The following RASGRF1 variants were observed in gnomAD, a reference collection of about 807,000 sequenced individuals.
RASGRF1 encodes the protein Ras protein specific guanine nucleotide releasing factor 1, also known as ras-specific guanine nucleotide-releasing factor 1.
A neutral mutation model predicts 138.7 loss-of-function variants in RASGRF1; 40 were observed. That is an observed-to-expected ratio of 0.29 (90% CI 0.22 to 0.38). The LOEUF (loss-of-function observed/expected upper bound fraction) is 0.38, where lower values mean the gene tolerates loss of function less well. RASGRF1 is among the 10% of genes least tolerant of loss of function. The probability of loss-of-function intolerance (pLI) is 1.00; values close to 1 mark genes in which losing one functional copy is unlikely to be tolerated. For synonymous variants in RASGRF1, 614 were observed against 663.2 expected (o/e 0.93, Z 1.14); for missense variants, 1,108 against 1,650.4 (o/e 0.67, Z 5.69).
chr15:78,986,696 T>C (rs1184158117), intron 22 of RASGRF1, among the ~76,000 whole-genome samples: 1 of 152,106 alleles, frequency 6.6e-6, no homozygotes, highest in Non-Finnish European at 1.5e-5. Flanking sequence ...AAAAGACTAC[T>C]ACTTTAAAAA....
chr15:78,976,237 G>A (rs2055867713), intron 24 of RASGRF1, among the ~76,000 whole-genome samples: 1 of 152,156 alleles, frequency 6.6e-6, no homozygotes, highest in African/African-American at 2.4e-5. Flanking sequence ...TCACTTGCAA[G>A]TAGCACGCCC....
intron 20 of RASGRF1, among the ~76,000 whole-genome samples, chr15:78,995,429 C>T (rs1440345008): frequency 3.3e-5 from 5 of 151,576 alleles, no homozygotes; most frequent in African/African-American, 1.2e-4. Flanking sequence ...GCTGGGGTTA[C>T]AGGCACCTGC....
intron 10 of RASGRF1, 119 bp from the exon 11 acceptor site, chr15:79,020,223 G>T: frequency 1.1e-6 from 1 of 890,634 alleles, no homozygotes; most frequent in Non-Finnish European, 1.8e-6. Flanking sequence ...ACACACAGAT[G>T]TATGGATGGA....
chr15:79,015,086 C>A (rs1004792415), intron 13 of RASGRF1, among the ~76,000 whole-genome samples: 1 of 151,658 alleles, frequency 6.6e-6, no homozygotes, highest in Admixed American at 6.6e-5. Flanking sequence ...ACCTGTTCCA[C>A]AAAACCTATG....
intron 12 of RASGRF1, among the ~76,000 whole-genome samples, chr15:79,016,422 A>C (rs2056879839): frequency 6.6e-6 from 1 of 152,210 alleles, no homozygotes; most frequent in South Asian, 2.1e-4. Flanking sequence ...AGCAACTCCA[A>C]AACAAAGAAG....
At position 78,999,773 on chromosome 15, in the gene RASGRF1, TCTC is replaced by T. The variant is rs1454361810; in HGVS notation, c.2713_2715del (p.Glu905del). On this transcript the variant is annotated inframe_deletion, in exon 17 of 27. Coordinates refer to ENST00000558480, the MANE Select transcript of RASGRF1 (RefSeq NM_001145648.3). ...CTGGCTAAGGACATCCTCCGGTACT[TCTC>T]CTTGTTTGGGGTGCCCTCGTTGGCC... 1.2e-6 allele frequency: 2 copies of T among 1,612,128 alleles called. No homozygotes were observed. Among genetic ancestry groups the T allele is most frequent in the African/African-American group, 1.3e-5 (1 of 74,848 alleles).
At chr15:79,083,219 C>T (rs958878808) in intron 1 of RASGRF1, among the ~76,000 whole-genome samples, 4 of 152,204 alleles carry the variant, frequency 2.6e-5, no homozygotes, top group African/African-American at 9.6e-5. Context: ...AGGGGCTGTA[C>T]TCTCCTCTCT....
At position 79,020,186 on chromosome 15, in the gene RASGRF1, G is replaced by C. The variant is rs997015798; in HGVS notation, c.1543-82C>G. The C allele has an allele frequency of 2.2e-6, 3 of 1,343,946 alleles. No individual in the cohort carries two copies. The African/African-American group carries it at 4.3e-5, about 19-fold the overall frequency. 83.3% of individuals were successfully genotyped at this position (1,343,946 alleles called of 1,614,324 possible). ...AGTCCCTGGATGATAGGGTTGGAGGGGACTTTAACAAGGAGCATCCATGTA... is the reference window on the plus strand; with the variant it reads ...AGTCCCTGGATGATAGGGTTGGAGGCGACTTTAACAAGGAGCATCCATGTA... On this transcript the variant is annotated intron_variant, in intron 10 of 26. Transcript: ENST00000558480.
intron 1 of RASGRF1, among the ~76,000 whole-genome samples, chr15:79,082,158 G>A (rs1012385573): frequency 6.6e-6 from 1 of 152,150 alleles, no homozygotes; most frequent in African/African-American, 2.4e-5. Context: ...CTGGGGGTGG[G>A]GGCACAGTGC....
chr15:79,063,804 CT>C (rs1049269984), intron 2 of RASGRF1, among the ~76,000 whole-genome samples: 2 of 152,198 alleles, frequency 1.3e-5, no homozygotes, highest in African/African-American at 4.8e-5. Flanking sequence ...CACATCCTGG[CT>C]CACAAACCCA....
At chr15:78,997,095 C>G (rs2870087) in intron 19 of RASGRF1, among the ~76,000 whole-genome samples, 1 of 152,116 alleles carries the variant, frequency 6.6e-6, no homozygotes, top group Admixed American at 6.5e-5. Context: ...ATTGTTCACC[C>G]ATTTTATGGA....
rs2055681304 is a variant in RASGRF1, at chr15:78,968,249, G to GGTGTGTGT, written c.3681+3616_3681+3617insACACACAC. Among the ~76,000 whole-genome samples, 4 of 32,984 alleles carry GGTGTGTGT rather than the reference G, an allele frequency of 1.2e-4. No homozygotes were observed. The South Asian group carries it at 6.6e-3, about 54-fold the overall frequency. 21.6% of individuals were successfully genotyped at this position (32,984 alleles called of 152,430 possible). A position where few individuals can be genotyped will look rare whatever the true frequency, so the allele number is the denominator to read the frequency against. On this transcript the variant is annotated intron_variant, in intron 26 of 26. Coordinates refer to ENST00000558480, the MANE Select transcript of RASGRF1 (RefSeq NM_001145648.3). ...AGTCTTTTTTATTTTTCATGACACT[G>GGTGTGTGT]ATGTGTGTGTGTGTGTGTGTGTGTG...
At chr15:79,043,357 G>A (rs999102433) in intron 5 of RASGRF1, among the ~76,000 whole-genome samples, 1 of 152,220 alleles carries the variant, frequency 6.6e-6, no homozygotes, top group Non-Finnish European at 1.5e-5. Flanking sequence ...TTTGTAAAAT[G>A]AGTCAGAAGT....
chr15:78,964,302 G>A (rs1403530159), intron 26 of RASGRF1, among the ~76,000 whole-genome samples: 1 of 151,944 alleles, frequency 6.6e-6, no homozygotes, highest in African/African-American at 2.4e-5. Context: ...AGCATCCCGA[G>A]TAGCTGGGAT....
intron 8 of RASGRF1, among the ~76,000 whole-genome samples, chr15:79,028,128 G>A (rs2057086669): frequency 6.6e-6 from 1 of 152,204 alleles, no homozygotes; most frequent in South Asian, 2.1e-4. Flanking sequence ...GAAGTCAGCA[G>A]CTATGAAGCA....
At chr15:78,987,590 G>A (rs1409415494) in intron 22 of RASGRF1, among the ~76,000 whole-genome samples, 1 of 152,170 alleles carries the variant, frequency 6.6e-6, no homozygotes, top group Non-Finnish European at 1.5e-5. Flanking sequence ...CAGCTACTCA[G>A]GAGGCTGAGG....
chr15:79,064,843 C>T (rs899953202), intron 1 of RASGRF1, among the ~76,000 whole-genome samples: 2 of 152,212 alleles, frequency 1.3e-5, no homozygotes, highest in Non-Finnish European at 2.9e-5. Flanking sequence ...GCAGGGAAAG[C>T]ACATCATTAG....
At chr15:79,042,782 G>A (rs1173962971) in intron 5 of RASGRF1, among the ~76,000 whole-genome samples, 9 of 152,208 alleles carry the variant, frequency 5.9e-5, no homozygotes, top group Non-Finnish European at 7.3e-5. Flanking sequence ...AGAGAGCCCA[G>A]CACAATGCAG....
Position 79,046,807 on chromosome 15 carries a change from C to A in RASGRF1, c.817G>T (p.Ala273Ser). The A allele has an allele frequency of 6.2e-7, 1 of 1,614,236 alleles. No homozygotes were observed. The highest frequency in any genetic ancestry group is 8.5e-7 in the Non-Finnish European group (1 of 1,180,044). ...VNNFLRPLRM[A>S]ASSKKPPITH... ...ATGGGAGGCTTCTTGGAGCTGGCGGCCATCCGCAGCGGGCGCAGGAAATTG... is the reference window on the plus strand; with the variant it reads ...ATGGGAGGCTTCTTGGAGCTGGCGGACATCCGCAGCGGGCGCAGGAAATTG... Residue 273 changes from alanine to serine, a missense_variant, in exon 5 of 27, where the codon GCC (alanine) becomes TCC (serine). Physicochemically the swap from Ala to Ser is moderately conservative, Grantham distance 99 (BLOSUM62 1). Around this residue, in one of 3 missense-constraint regions of RASGRF1, gnomAD observed 169 missense variants for 344.2 expected, o/e 0.49. Transcript: ENST00000558480. This position sits in a 1 kb window ranked among gnomAD's most constrained non-coding sequence, Gnocchi z 5.3.
Sources: gnomAD v4.1 joint callset for allele counts (sites outside exome capture counted in the v4.1 genomes callset) on GRCh38, gnomAD v4.1.1 for gene constraint, gnomAD v4.1.1 regional missense constraint, Gnocchi (gnomAD v3.1) non-coding constraint, MANE v1.5 for transcripts, NCBI Gene and HGNC (gene_info 2026-07-23, HGNC 2026-07-21) for gene names.